SLC9C1: variants seen among roughly 807,000 people sequenced by gnomAD.
SLC9C1 encodes the protein solute carrier family 9 member C1, also known as sodium/hydrogen exchanger 10.
A neutral mutation model predicts 140.9 loss-of-function variants in SLC9C1; 97 were observed. The ratio of observed to expected loss-of-function variants is 0.69; its 90% CI spans 0.58 to 0.82. The LOEUF (loss-of-function observed/expected upper bound fraction) is 0.82. Among genes scored for constraint, SLC9C1 ranks in the 40% least tolerant of loss-of-function variants. The pLI, the probability that SLC9C1 is intolerant of heterozygous loss-of-function variation, is 0.00. For missense variants in SLC9C1, 1,340 were observed against 1,389.3 expected (o/e 0.96, Z 0.56); for synonymous variants, 440 against 442.6 (o/e 0.99, Z 0.07).
chr3:112,196,702 A>C (rs1401156822), intron 20 of SLC9C1, among the ~76,000 whole-genome samples: 1 of 151,780 alleles, frequency 6.6e-6, no homozygotes, highest in African/African-American at 2.4e-5. Flanking sequence ...TATTGTACTT[A>C]ATTGTACTTT....
chr3:112,172,723 T>A (rs567116807), intron 23 of SLC9C1, among the ~76,000 whole-genome samples: 2 of 152,264 alleles, frequency 1.3e-5, no homozygotes, highest in South Asian at 4.1e-4. Flanking sequence ...CATTCTATTC[T>A]GAGTTTTTGG....
intron 20 of SLC9C1, among the ~76,000 whole-genome samples, chr3:112,189,819 TG>T (rs2077615880): frequency 6.6e-6 from 1 of 152,232 alleles, no homozygotes. Flanking sequence ...TTAATTACCT[TG>T]GGCAGTATGG....
chr3:112,248,786 C>T (rs4352356), intron 10 of SLC9C1, among the ~76,000 whole-genome samples: 89,977 of 151,966 alleles, frequency 0.59, 27,154 homozygotes, highest in East Asian at 0.79. Context: ...TATCATTAAG[C>T]TTTTAAGTTT....
At chr3:112,226,374 T>C (rs2078682274) in intron 13 of SLC9C1, among the ~76,000 whole-genome samples, 4 of 152,136 alleles carry the variant, frequency 2.6e-5, no homozygotes, top group Admixed American at 6.6e-5. Flanking sequence ...CTATGGGATA[T>C]AGCAAAAGCT....
chr3:112,207,031 A>G (rs959411296), intron 16 of SLC9C1, among the ~76,000 whole-genome samples: 16 of 152,182 alleles, frequency 1.1e-4, no homozygotes, highest in African/African-American at 4.8e-5. Context: ...GTTAAAGTAT[A>G]TATTTATACT....
intron 26 of SLC9C1, among the ~76,000 whole-genome samples, chr3:112,156,628 C>G (rs942251144): frequency 6.6e-6 from 1 of 151,906 alleles, no homozygotes. Flanking sequence ...GGCTGTACTA[C>G]TTTACATCTC....
intron 12 of SLC9C1, among the ~76,000 whole-genome samples, chr3:112,237,481 G>T (rs13072534): frequency 0.59 from 89,894 of 151,948 alleles, 27,106 homozygotes; most frequent in East Asian, 0.79. Flanking sequence ...TGTTATGTGT[G>T]AATTTGATCC....
At chr3:112,260,460 A>T (rs934404992) in intron 10 of SLC9C1, among the ~76,000 whole-genome samples, 1 of 151,958 alleles carries the variant, frequency 6.6e-6, no homozygotes, top group African/African-American at 2.4e-5. Flanking sequence ...TTAGTAATAG[A>T]CCACATTTTC....
At chr3:112,281,885 G>C (rs1043601108) in intron 2 of SLC9C1, among the ~76,000 whole-genome samples, 1 of 152,188 alleles carries the variant, frequency 6.6e-6, no homozygotes, top group African/African-American at 2.4e-5. Flanking sequence ...GCTCCAAAGA[G>C]AACAGTTTAT....
chr3:112,256,976 C>T (rs985627780), intron 10 of SLC9C1, among the ~76,000 whole-genome samples: 3 of 151,814 alleles, frequency 2.0e-5, no homozygotes, highest in Non-Finnish European at 4.4e-5. Flanking sequence ...CCAAATAATA[C>T]CTAAGAATAT....
chr3:112,280,927 G>T, intron 2 of SLC9C1, 144 bp from the exon 3 acceptor site: 1 of 705,228 alleles, frequency 1.4e-6, no homozygotes, highest in Non-Finnish European at 2.4e-6. Flanking sequence ...ACACTTATCA[G>T]CACACAGAAT....
Position 112,238,276 on chromosome 3 carries a change from C to T in SLC9C1, c.1446+1564G>A, listed in dbSNP as rs536754178. Among the ~76,000 whole-genome samples the T allele has an allele frequency of 5.3e-5, 8 of 152,248 alleles. No individual in the cohort carries two copies. The East Asian group carries it at 5.8e-4, about 11-fold the overall frequency. On this transcript the variant is annotated intron_variant, in intron 12 of 28. Coordinates refer to ENST00000305815, the MANE Select transcript of SLC9C1 (RefSeq NM_183061.3). Reference sequence around the variant, plus strand: ...GCTACTGAAGCTTGTGCATTCGTCACGTAGTTCTCGTGCCATGGTTTTCAG... The same window carrying T: ...GCTACTGAAGCTTGTGCATTCGTCATGTAGTTCTCGTGCCATGGTTTTCAG...
chr3:112,250,665 G>C (rs1180702422), intron 10 of SLC9C1, among the ~76,000 whole-genome samples: 2 of 152,090 alleles, frequency 1.3e-5, no homozygotes, highest in African/African-American at 4.8e-5. Context: ...GCTATCACCA[G>C]AGAAGTGCAA....
intron 14 of SLC9C1, 143 bp from the exon 15 acceptor site, chr3:112,217,704 C>T (rs2078423378): frequency 1.6e-6 from 1 of 630,302 alleles, no homozygotes; most frequent in South Asian, 3.3e-5. Flanking sequence ...TGGATTAAGA[C>T]ATTTTCATGG....
intron 20 of SLC9C1, among the ~76,000 whole-genome samples, chr3:112,189,311 A>G (rs540576439): frequency 1.3e-5 from 2 of 152,324 alleles, no homozygotes; most frequent in East Asian, 1.9e-4. Context: ...GCCCATGCCT[A>G]TGTCCTTAAT....
chr3:112,278,822 A>C lies in SLC9C1; in HGVS notation c.225T>G (p.Ser75Arg). 6.2e-7 allele frequency: 1 copy of C among 1,608,040 alleles called. No homozygotes were observed. The change falls in exon 4 of 29, where the codon AGT becomes AGG. Residue 75 changes from serine (S) to arginine (R), a missense_variant. Coordinates refer to ENST00000305815, the MANE Select transcript of SLC9C1 (RefSeq NM_183061.3). ...QRYANAIQWM[S>R]PDLFFRIFTP... Reference sequence around the variant, plus strand: ...TAAATATACGAAAAAATAAGTCTGGACTCATCCATTGTATGGCGTTTGCGT... The same window carrying C: ...TAAATATACGAAAAAATAAGTCTGGCCTCATCCATTGTATGGCGTTTGCGT...
At chr3:112,290,814 C>CTT (rs11412854) in intron 1 of SLC9C1, among the ~76,000 whole-genome samples, 9,639 of 137,898 alleles carry the variant, frequency 0.07, 375 homozygotes, top group Non-Finnish European at 0.095. Flanking sequence ...TCTTTTCCTT[C>CTT]TTTTTTTTTT....
intron 22 of SLC9C1, among the ~76,000 whole-genome samples, chr3:112,180,247 C>T (rs184312767): frequency 3.9e-5 from 6 of 152,192 alleles, no homozygotes; most frequent in Non-Finnish European, 5.9e-5. Context: ...CCTGGTCAGG[C>T]GCAGTGGCTC....
At chr3:112,161,632 C>T (rs1163399133) in intron 26 of SLC9C1, among the ~76,000 whole-genome samples, 1 of 151,882 alleles carries the variant, frequency 6.6e-6, no homozygotes, top group Non-Finnish European at 1.5e-5. Flanking sequence ...TGATCTATAT[C>T]TCTGTTTTGG....
Sources: allele counts gnomAD v4.1 joint callset (sites outside exome capture counted in the v4.1 genomes callset), GRCh38; gene constraint gnomAD v4.1.1; transcripts MANE v1.5; gene names NCBI Gene and HGNC (gene_info 2026-07-23, HGNC 2026-07-21).